Variants in KAZN observed in about 807,000 individuals in gnomAD.
KAZN encodes kazrin.
A neutral mutation model predicts 87.4 loss-of-function variants in KAZN; 40 were observed. The ratio of observed to expected loss-of-function variants is 0.46; its 90% CI spans 0.36 to 0.60. KAZN has a LOEUF of 0.60. Ranked by LOEUF, KAZN falls within the 20% of genes least tolerant of loss-of-function variation. The probability of loss-of-function intolerance (pLI) is 0.00; values close to 1 mark genes in which losing one functional copy is unlikely to be tolerated. For missense variants in KAZN, 898 were observed against 1,073.9 expected (o/e 0.84, Z 2.29); for synonymous variants, 466 against 458.3 (o/e 1.02, Z -0.22).
At chr1:14,696,047 G>T (rs1641586055) in intron 1 of KAZN, among the ~76,000 whole-genome samples, 2 of 152,220 alleles carry the variant, frequency 1.3e-5, no homozygotes. Context: ...TTTGTATGCA[G>T]AGTATTTTTA....
At chr1:15,064,710 C>T (rs768023562) in intron 7 of KAZN, among the ~76,000 whole-genome samples, 19 of 152,214 alleles carry the variant, frequency 1.2e-4, no homozygotes, top group Non-Finnish European at 2.4e-4. Context: ...CCATTGCCTT[C>T]GGCTGACGCA....
At chr1:14,959,367 C>A (rs1409830651) in intron 1 of KAZN, among the ~76,000 whole-genome samples, 2 of 152,174 alleles carry the variant, frequency 1.3e-5, no homozygotes, top group Non-Finnish European at 2.9e-5. Context: ...GACAAAGGCC[C>A]TATGCTGGAA....
At chr1:14,007,209 T>G (rs184683663) in intron 1 of KAZN, among the ~76,000 whole-genome samples, 2 of 152,340 alleles carry the variant, frequency 1.3e-5, no homozygotes, top group African/African-American at 4.8e-5. Context: ...CTGAAATTGT[T>G]AATTAGTTCT....
chr1:15,102,042 C>T (rs893742415), intron 11 of KAZN, among the ~76,000 whole-genome samples: 1 of 152,158 alleles, frequency 6.6e-6, no homozygotes, highest in African/African-American at 2.4e-5. Context: ...AGGCGCTGTG[C>T]TCAGTGCAGG....
intron 2 of KAZN, among the ~76,000 whole-genome samples, chr1:14,410,030 G>A (rs1452464428): frequency 1.1e-4 from 16 of 152,202 alleles, no homozygotes; most frequent in Admixed American, 1.0e-3. Flanking sequence ...TACTCAGAAT[G>A]TATTGCACAG....
chr1:14,560,908 G>T (rs947113934), intron 2 of KAZN, among the ~76,000 whole-genome samples: 2 of 152,270 alleles, frequency 1.3e-5, no homozygotes, highest in African/African-American at 2.4e-5. Flanking sequence ...AGAACAGGAA[G>T]TTGGATGGTA....
chr1:14,804,211 A>T (rs1191002149), intron 1 of KAZN, among the ~76,000 whole-genome samples: 1 of 152,168 alleles, frequency 6.6e-6, no homozygotes, highest in Non-Finnish European at 1.5e-5. Flanking sequence ...TATTGCAAGG[A>T]AGAGAGGCCA....
chr1:14,158,198 T>C (rs2101818384), intron 1 of KAZN, among the ~76,000 whole-genome samples: 1 of 152,374 alleles, frequency 6.6e-6, no homozygotes, highest in South Asian at 2.1e-4. Flanking sequence ...TTTCTACTCC[T>C]ATCTCTTTCT....
chr1:14,502,904 G>A (rs543993386), intron 2 of KAZN, among the ~76,000 whole-genome samples: 1 of 152,252 alleles, frequency 6.6e-6, no homozygotes, highest in South Asian at 2.1e-4. Flanking sequence ...CACAGTTAAT[G>A]AGTTGACAGC....
At chr1:14,622,548 G>A (rs894469086) in intron 1 of KAZN, among the ~76,000 whole-genome samples, 5 of 151,752 alleles carry the variant, frequency 3.3e-5, no homozygotes, top group Non-Finnish European at 5.9e-5. Flanking sequence ...AAAATTAGCC[G>A]GGCGTGGTGG....
intron 2 of KAZN, among the ~76,000 whole-genome samples, chr1:14,559,654 T>A (rs1230296199): frequency 2.6e-5 from 4 of 152,214 alleles, no homozygotes; most frequent in African/African-American, 9.6e-5. Context: ...CCATTTCCAT[T>A]GAGGGCTCAG....
At chr1:14,646,080 G>A (rs944252767) in intron 1 of KAZN, among the ~76,000 whole-genome samples, 2 of 152,170 alleles carry the variant, frequency 1.3e-5, no homozygotes, top group Non-Finnish European at 2.9e-5. Flanking sequence ...GATCACTAGA[G>A]GGTAGGGGTT....
intron 2 of KAZN, among the ~76,000 whole-genome samples, chr1:14,521,715 T>G (rs1014350703): frequency 2.6e-5 from 4 of 152,104 alleles, no homozygotes; most frequent in Non-Finnish European, 5.9e-5. Context: ...CTCATCCTGT[T>G]TTAGAATCGT....
chr1:14,231,870 C>T (rs1365661970), intron 2 of KAZN, among the ~76,000 whole-genome samples: 1 of 152,190 alleles, frequency 6.6e-6, no homozygotes, highest in African/African-American at 2.4e-5. Context: ...AACTTTCCTC[C>T]ATGCAGTGAC....
chr1:14,035,656 TG>T (rs1641524985), intron 1 of KAZN, among the ~76,000 whole-genome samples: 2 of 150,130 alleles, frequency 1.3e-5, no homozygotes, highest in African/African-American at 2.5e-5. Context: ...TTTTTTTTTT[TG>T]TAGAGATGGG....
At chr1:15,040,054 A>G (rs1387985657) in intron 3 of KAZN, among the ~76,000 whole-genome samples, 1 of 152,222 alleles carries the variant, frequency 6.6e-6, no homozygotes, top group African/African-American at 2.4e-5. Context: ...ACATTAAAAC[A>G]ATATTTTAGT....
chr1:14,483,354 G>A (rs1313260438), intron 2 of KAZN, among the ~76,000 whole-genome samples: 1 of 152,136 alleles, frequency 6.6e-6, no homozygotes, highest in Non-Finnish European at 1.5e-5. Flanking sequence ...ATCAGCAAGA[G>A]GGCCCATTAC....
Position 14,589,460 on chromosome 1 carries a change from T to A in KAZN, c.250-9523T>A, listed in dbSNP as rs183373148. ...AAAATATCTCCCTTCCAATTATGCATACAACTGGACAGTGAGTACTGAATA... is the reference window on the plus strand; with the variant it reads ...AAAATATCTCCCTTCCAATTATGCAAACAACTGGACAGTGAGTACTGAATA... On this transcript the variant is annotated intron_variant, in intron 2 of 16. Transcript: ENST00000636203. Among the ~76,000 whole-genome samples, 7 of 152,256 alleles carry A rather than the reference T, an allele frequency of 4.6e-5. No individual in the cohort carries two copies. The East Asian group carries it at 1.4e-3, about 29-fold the overall frequency.
chr1:14,374,771 A>T (rs703807), intron 2 of KAZN, among the ~76,000 whole-genome samples: 149,846 of 152,250 alleles, frequency 0.98, 73,753 homozygotes, highest in East Asian at 1. Flanking sequence ...GACATATACA[A>T]ATCATCACGC....
Sources: gnomAD v4.1 joint callset for allele counts (sites outside exome capture counted in the v4.1 genomes callset) on GRCh38, gnomAD v4.1.1 for gene constraint, MANE v1.5 for transcripts, NCBI Gene and HGNC (gene_info 2026-07-23, HGNC 2026-07-21) for gene names.